The following KLF17 variants were observed in gnomAD, a reference collection of about 807,000 sequenced individuals.
KLF17 encodes KLF transcription factor 17.
KLF17 carries 31 observed loss-of-function variants against 34.2 expected under a neutral mutation model. The observed-to-expected ratio is 0.91, with a 90% CI of 0.68 to 1.22. KLF17 has a LOEUF of 1.22. Ranked by LOEUF, KLF17 falls within the 50% of genes most tolerant of loss-of-function variation. The pLI, the probability that KLF17 is intolerant of heterozygous loss-of-function variation, is 0.00. For missense variants in KLF17, 478 were observed against 505.2 expected, an observed-to-expected ratio of 0.95 and a Z score of 0.52; for synonymous variants, 179 against 186.7, an observed-to-expected ratio of 0.96 and a Z score of 0.34.
At chr1:44,121,333 TC>T (rs1260820007) in intron 1 of KLF17, among the ~76,000 whole-genome samples, 2 of 152,208 alleles carry the variant, frequency 1.3e-5, no homozygotes, top group African/African-American at 4.8e-5. Flanking sequence ...CAGGCTGGTC[TC>T]AATCTTCTGC....
At chr1:44,088,900 A>G in the KLF17 span, among the ~76,000 whole-genome samples, 2 of 152,204 alleles carry the variant, frequency 1.3e-5, no homozygotes, top group Admixed American at 6.5e-5. Context: ...ATAATTTGTC[A>G]TAACAAAATC....
intron 1 of KLF17, among the ~76,000 whole-genome samples, chr1:44,119,215 G>A (rs2087917639): frequency 6.6e-6 from 1 of 151,896 alleles, no homozygotes; most frequent in African/African-American, 2.4e-5. Context: ...GACTGGGGAG[G>A]GATTGGAAAG....
the KLF17 span, among the ~76,000 whole-genome samples, chr1:44,102,614 A>ACACT: frequency 8.0e-6 from 1 of 125,750 alleles, no homozygotes; most frequent in Non-Finnish European, 1.8e-5. Context: ...ACACACACAC[A>ACACT]GAAAAGAAAA....
the KLF17 span, among the ~76,000 whole-genome samples, chr1:44,055,598 G>C: frequency 1.3e-5 from 2 of 152,152 alleles, no homozygotes; most frequent in Non-Finnish European, 2.9e-5. Context: ...CACAGATAAG[G>C]AGATGCTCTT....
At chr1:44,079,444 A>C in the KLF17 span, among the ~76,000 whole-genome samples, 1 of 151,680 alleles carries the variant, frequency 6.6e-6, no homozygotes. Context: ...CTATAGGCAC[A>C]TACCGCCACC....
At position 44,129,926 on chromosome 1, in the gene KLF17, G is replaced by A; in HGVS notation, c.655G>A (p.Asp219Asn). 1.2e-6 allele frequency: 2 copies of A among 1,614,178 alleles called. No homozygotes were observed. The highest frequency in any genetic ancestry group is 1.7e-6 in the Non-Finnish European group (2 of 1,180,042). Residue 219 changes from aspartate to asparagine, a missense_variant, in exon 2 of 4, where the codon GAC becomes AAC. Transcript: ENST00000372299. ...GATGTTGCCCCCGCAAGATGCCCAT[G>A]ACCTTGGGATGCCCCCAGCTGAGTC... The part of the protein sequence containing the change: ...AQMLPPQDAH[D>N]LGMPPAESQS...
the KLF17 span, chr1:44,110,299 T>C: frequency 3.6e-4 from 55 of 152,186 alleles, 1 homozygote. Flanking sequence ...GAAGTAAAGG[T>C]AGACAGACTA....
At chr1:44,083,907 CGTCCTCTCTAGGAAA>C in the KLF17 span, among the ~76,000 whole-genome samples, 23 of 151,916 alleles carry the variant, frequency 1.5e-4, no homozygotes, top group Admixed American at 1.4e-3. Flanking sequence ...AAGCCGGGAT[CGTCCTCTCTAGGAAA>C]GTTCAAGTGA....
At chr1:44,111,135 A>C in the KLF17 span, among the ~76,000 whole-genome samples, 2 of 149,738 alleles carry the variant, frequency 1.3e-5, no homozygotes, top group South Asian at 4.2e-4. Context: ...CACAGTGCAC[A>C]CCACCACTCC....
chr1:44,057,721 C>T, the KLF17 span, among the ~76,000 whole-genome samples: 1 of 152,186 alleles, frequency 6.6e-6, no homozygotes, highest in African/African-American at 2.4e-5. Context: ...TCCCATGACT[C>T]CTTACATTTG....
chr1:44,051,336 G>A, the KLF17 span: 2 of 152,250 alleles, frequency 1.3e-5, no homozygotes, highest in African/African-American at 2.4e-5. Flanking sequence ...TACTGCTACT[G>A]CCTCATGTAG....
chr1:44,123,761 A>AT (rs2087976101), intron 1 of KLF17, among the ~76,000 whole-genome samples: 1 of 151,672 alleles, frequency 6.6e-6, no homozygotes. Context: ...TTATGTTTTC[A>AT]TTTTTATTGG....
chr1:44,092,894 A>G, the KLF17 span, among the ~76,000 whole-genome samples: 2 of 152,290 alleles, frequency 1.3e-5, no homozygotes, highest in East Asian at 1.9e-4. Context: ...AAAAAGGAAA[A>G]CCATCTTGAA....
the KLF17 span, among the ~76,000 whole-genome samples, chr1:44,083,428 GT>G: frequency 1.3e-5 from 2 of 152,102 alleles, no homozygotes; most frequent in Admixed American, 1.3e-4. Context: ...CTCCTGCTCA[GT>G]TGGCATCCAA....
At position 44,130,761 on chromosome 1, in the gene KLF17, G is replaced by C. The variant is rs947779820; in HGVS notation, c.*5G>C. The C allele has an allele frequency of 3.7e-6, 6 of 1,613,570 alleles. No individual in the cohort carries two copies. The African/African-American group carries it at 8.0e-5, about 22-fold the overall frequency. On this transcript the variant is annotated splice_donor_5th_base_variant and intron_variant, in intron 3 of 3. Transcript: ENST00000372299. The stretch of plus-strand genomic sequence containing the variant: ...CCTCCTGCTGCTGGTCCTTAGGTCA[G>C]TCTCCTCTCCTCATTCTGGGTTTTC...
At chr1:44,063,315 A>C in the KLF17 span, among the ~76,000 whole-genome samples, 2 of 152,324 alleles carry the variant, frequency 1.3e-5, no homozygotes, top group African/African-American at 2.4e-5. Context: ...TTGTGAGTAC[A>C]TGGCAGTATA....
At chr1:44,110,232 G>T in the KLF17 span, among the ~76,000 whole-genome samples, 227 of 152,154 alleles carry the variant, frequency 1.5e-3, no homozygotes, top group Middle Eastern at 6.8e-3. Flanking sequence ...TGGCAATGAT[G>T]AACACACTCA....
At chr1:44,074,453 A>G in the KLF17 span, among the ~76,000 whole-genome samples, 1 of 152,082 alleles carries the variant, frequency 6.6e-6, no homozygotes, top group Admixed American at 6.6e-5. Flanking sequence ...GTCATTGACA[A>G]GAGATCTCCA....
intron 1 of KLF17, among the ~76,000 whole-genome samples, chr1:44,120,010 T>C (rs565805639): frequency 3.5e-4 from 54 of 152,266 alleles, no homozygotes; most frequent in African/African-American, 1.3e-3. Flanking sequence ...TCATAGATTG[T>C]GGAGATGTTT....
Sources: allele counts gnomAD v4.1 joint callset (sites outside exome capture counted in the v4.1 genomes callset), GRCh38; gene constraint gnomAD v4.1.1; transcripts MANE v1.5; gene names NCBI Gene and HGNC (gene_info 2026-07-23, HGNC 2026-07-21).